The following UBE2O variants were observed in gnomAD, a reference collection of about 807,000 sequenced individuals.
UBE2O encodes ubiquitin conjugating enzyme E2 O, also known as (E3-independent) E2 ubiquitin-conjugating enzyme.
In UBE2O, 15 loss-of-function variants were observed where a neutral mutation model predicts 125.8. The observed-to-expected ratio is 0.12, with a 90% CI of 0.08 to 0.18. UBE2O has a LOEUF of 0.18. Ranked by LOEUF, UBE2O falls within the 10% of genes least tolerant of loss-of-function variation. UBE2O has a pLI of 1.00. For missense variants in UBE2O, 1,280 were observed against 1,723.6 expected (o/e 0.74, Z 4.56); for synonymous variants, 708 against 703.2 (o/e 1.01, Z -0.11).
intron 1 of UBE2O, among the ~76,000 whole-genome samples, chr17:76,435,852 G>T (rs2072988612): frequency 1.3e-5 from 2 of 152,184 alleles, no homozygotes; most frequent in South Asian, 4.1e-4. Context: ...GCACAGAGGG[G>T]ACAGAAAACA....
At chr17:76,433,122 A>G (rs1372710972) in intron 1 of UBE2O, among the ~76,000 whole-genome samples, 1 of 152,158 alleles carries the variant, frequency 6.6e-6, no homozygotes, top group African/African-American at 2.4e-5. Context: ...ACATTCACAC[A>G]AAAACGTGGA....
chr17:76,444,994 G>C (rs767347470), intron 1 of UBE2O, among the ~76,000 whole-genome samples: 1 of 152,164 alleles, frequency 6.6e-6, no homozygotes, highest in Non-Finnish European at 1.5e-5. Context: ...TGAATCTGCC[G>C]GTCAAGGTAT....
At chr17:76,440,225 C>T (rs554812028) in intron 1 of UBE2O, among the ~76,000 whole-genome samples, 5 of 152,274 alleles carry the variant, frequency 3.3e-5, no homozygotes, top group East Asian at 1.9e-4. Context: ...GTAAAAAGAA[C>T]GCACAGTCTC....
At chr17:76,447,300 A>C (rs1306528745) in intron 1 of UBE2O, among the ~76,000 whole-genome samples, 8 of 152,232 alleles carry the variant, frequency 5.3e-5, no homozygotes, top group Non-Finnish European at 1.2e-4. Flanking sequence ...GAAGTGTGAC[A>C]CTGGGCAATT....
chr17:76,404,212 C>T lies in UBE2O; in HGVS notation c.588+994G>A, dbSNP rs1463117555. Among the ~76,000 whole-genome samples, 5 of 152,180 alleles carry T rather than the reference C, an allele frequency of 3.3e-5. No individual in the cohort carries two copies. The highest frequency in any genetic ancestry group is 2.1e-4 in the South Asian group (1 of 4,822). The stretch of plus-strand genomic sequence containing the variant: ...AGGTTATAGACATAATCTGGGACTA[C>T]GTTCCCACAAAATACAATCACTTAA... On this transcript the variant is annotated intron_variant, in intron 3 of 17. Coordinates refer to ENST00000319380, the MANE Select transcript of UBE2O (RefSeq NM_022066.4). The surrounding 1 kb of genome is among the most constrained non-coding windows in gnomAD (Gnocchi z 4.3).
At position 76,402,541 on chromosome 17, in the gene UBE2O, T is replaced by C; in HGVS notation, c.686+61A>G. 7.0e-7 allele frequency: 1 copy of C among 1,427,524 alleles called. No individual in the cohort carries two copies. The highest frequency in any genetic ancestry group is 2.3e-5 in the East Asian group (1 of 44,008). The allele number at this position is 1,427,524 out of a possible 1,614,324, so 88.4% of individuals were successfully genotyped here. ...TCCCCAGGAGGAAACACCCTCCTCC[T>C]CCCCTCTTTCCAAGAGGCTATCCTT... On this transcript the variant is annotated intron_variant, in intron 4 of 17. Transcript: ENST00000319380. The surrounding 1 kb of genome is among the most constrained non-coding windows in gnomAD (Gnocchi z 5.4).
intron 1 of UBE2O, among the ~76,000 whole-genome samples, chr17:76,447,757 A>C (rs75308795): frequency 0.018 from 2,777 of 152,194 alleles, 89 homozygotes; most frequent in African/African-American, 0.063. Context: ...ATGCCCCTGA[A>C]ACAACCACCT....
At chr17:76,425,810 G>A (rs1267581833) in intron 1 of UBE2O, among the ~76,000 whole-genome samples, 2 of 152,086 alleles carry the variant, frequency 1.3e-5, no homozygotes, top group African/African-American at 4.8e-5. Flanking sequence ...GTATCTTTGG[G>A]CTTTGTGTCT....
intron 1 of UBE2O, among the ~76,000 whole-genome samples, chr17:76,450,022 T>G (rs905461480): frequency 6.6e-6 from 1 of 150,692 alleles, no homozygotes; most frequent in Non-Finnish European, 1.5e-5. Context: ...GACCAGGAAT[T>G]CAAGGACACC....
chr17:76,418,780 A>G (rs887308477), intron 1 of UBE2O, among the ~76,000 whole-genome samples: 2 of 152,182 alleles, frequency 1.3e-5, no homozygotes, highest in African/African-American at 2.4e-5. Context: ...CGTGTTGGCC[A>G]GGATGGTCTT....
At position 76,398,136 on chromosome 17, in the gene UBE2O, A is replaced by C. The variant is rs2072249066; in HGVS notation, c.2025+119T>G. The stretch of plus-strand genomic sequence containing the variant: ...CTGGGGCAGCTGCCCTTCTGAGGAC[A>C]CTGAGCCCAGAGGACTTTCAGGTCT... On this transcript the variant is annotated intron_variant, in intron 12 of 17. Transcript: ENST00000319380. This position sits in a 1 kb window ranked among gnomAD's most constrained non-coding sequence, Gnocchi z 5.4. 7.1e-7 allele frequency: 1 copy of C among 1,408,970 alleles called. No homozygotes were observed. The highest frequency in any genetic ancestry group is 9.8e-7 in the Non-Finnish European group (1 of 1,016,252). The allele number at this position is 1,408,970 out of a possible 1,614,324, so 87.3% of individuals were successfully genotyped here.
chr17:76,415,795 C>CTCTGTGTGTGTGTG (rs1555607402), intron 1 of UBE2O, among the ~76,000 whole-genome samples: 2,115 of 143,236 alleles, frequency 0.015, 19 homozygotes, highest in East Asian at 0.029. Context: ...CAGAGCAAGA[C>CTCTGTGTGTGTGTG]TGTGTGTGTG....
At chr17:76,450,618 G>T (rs911836185) in intron 1 of UBE2O, among the ~76,000 whole-genome samples, 23 of 148,448 alleles carry the variant, frequency 1.5e-4, no homozygotes, top group African/African-American at 5.2e-4. Flanking sequence ...CAAAGTTGTT[G>T]TTTTTTTTTT....
chr17:76,424,860 T>A (rs1459928286), intron 1 of UBE2O, among the ~76,000 whole-genome samples: 4 of 148,858 alleles, frequency 2.7e-5, no homozygotes, highest in African/African-American at 7.3e-5. Flanking sequence ...TTTTTTTTTT[T>A]TTATTTTTTA....
intron 5 of UBE2O, among the ~76,000 whole-genome samples, chr17:76,401,555 A>AG (rs1291164192): frequency 1.3e-5 from 2 of 152,190 alleles, no homozygotes; most frequent in African/African-American, 2.4e-5. Flanking sequence ...TTAAAGGATG[A>AG]GAAAAAAAAG....
In UBE2O at chr17:76,400,110, C is replaced by T. The variant is rs1377839482; in HGVS notation, c.1155+37G>A. 1 of 1,598,970 alleles carries T rather than the reference C, an allele frequency of 6.3e-7. No homozygotes were observed. Among genetic ancestry groups the T allele is most frequent in the African/African-American group, 1.3e-5 (1 of 74,582 alleles). The stretch of plus-strand genomic sequence containing the variant: ...CATGGAAATGGCTCAAGGCCAGTTC[C>T]TCAAATGCCCACCAATCCCCAACCC... On this transcript the variant is annotated intron_variant, in intron 8 of 17. Coordinates refer to ENST00000319380, the MANE Select transcript of UBE2O (RefSeq NM_022066.4). The surrounding 1 kb of genome is among the most constrained non-coding windows in gnomAD (Gnocchi z 4.3).
chr17:76,423,863 C>G (rs2143815782), intron 1 of UBE2O, among the ~76,000 whole-genome samples: 1 of 149,654 alleles, frequency 6.7e-6, no homozygotes, highest in East Asian at 1.9e-4. Context: ...TCTCTTCACA[C>G]CAGGTGGCTC....
At position 76,417,390 on chromosome 17, in the gene UBE2O, C is replaced by G. The variant is rs538727373; in HGVS notation, c.418-11818G>C. On this transcript the variant is annotated intron_variant, in intron 1 of 17. Transcript: ENST00000319380. ...ACGATAACATTTACAAAGAACAGAA[C>G]ACAATGCAAAATTTCATGTATGGGC... 2.6e-5 allele frequency among the ~76,000 whole-genome samples: 4 copies of G among 152,386 alleles called. No homozygotes were observed. The South Asian group carries it at 8.3e-4, about 32-fold the overall frequency.
Position 76,396,032 on chromosome 17 carries a change from G to A in UBE2O, c.2809+96C>T. 2 of 1,491,150 alleles carry A rather than the reference G, an allele frequency of 1.3e-6. No individual in the cohort carries two copies. The highest frequency in any genetic ancestry group is 1.8e-6 in the Non-Finnish European group (2 of 1,094,096). 92.4% of individuals were successfully genotyped at this position (1,491,150 alleles called of 1,614,324 possible). A position where few individuals can be genotyped will look rare whatever the true frequency, so the allele number is the denominator to read the frequency against. On this transcript the variant is annotated intron_variant, in intron 14 of 17. Transcript: ENST00000319380. The surrounding 1 kb of genome is among the most constrained non-coding windows in gnomAD (Gnocchi z 6.7). Reference sequence around the variant, plus strand: ...GCCCTGGGGCAGTAGCTGGGGTCTGGCGAGGGGACTAACCACCCTGCACCC... The same window carrying A: ...GCCCTGGGGCAGTAGCTGGGGTCTGACGAGGGGACTAACCACCCTGCACCC...
Sources: allele counts gnomAD v4.1 joint callset (sites outside exome capture counted in the v4.1 genomes callset), GRCh38; gene constraint gnomAD v4.1.1; non-coding constraint Gnocchi (gnomAD v3.1); transcripts MANE v1.5; gene names NCBI Gene and HGNC (gene_info 2026-07-23, HGNC 2026-07-21).